PLCH1: variants seen among roughly 807,000 people sequenced by gnomAD.
PLCH1 encodes phospholipase C eta 1.
A neutral mutation model predicts 126.7 loss-of-function variants in PLCH1; 60 were observed. The ratio of observed to expected loss-of-function variants is 0.47; its 90% confidence interval spans 0.38 to 0.59. PLCH1 has a LOEUF of 0.59. Among genes scored for constraint, PLCH1 ranks in the 20% least tolerant of loss-of-function variants. The probability of loss-of-function intolerance (pLI) is 0.00; values close to 1 mark genes in which losing one functional copy is unlikely to be tolerated. For missense variants in PLCH1, 1,723 were observed against 2,040.0 expected, an observed-to-expected ratio of 0.84 and a Z score of 2.99; for synonymous variants, 719 against 734.9, an observed-to-expected ratio of 0.98 and a Z score of 0.35.
chr3:155,632,206 A>G (rs928611437), intron 2 of PLCH1, among the ~76,000 whole-genome samples: 2 of 152,196 alleles, frequency 1.3e-5, no homozygotes, highest in Non-Finnish European at 2.9e-5. Flanking sequence ...GAAATATTAC[A>G]ACTACCAAAA....
chr3:155,483,962 C>A (rs1405694313), intron 22 of PLCH1, among the ~76,000 whole-genome samples: 1 of 151,832 alleles, frequency 6.6e-6, no homozygotes, highest in Non-Finnish European at 1.5e-5. Context: ...TAAAAATATT[C>A]ATCATAAAAA....
intron 8 of PLCH1, among the ~76,000 whole-genome samples, chr3:155,556,246 A>G (rs996462548): frequency 3.3e-5 from 5 of 152,108 alleles, no homozygotes; most frequent in Admixed American, 1.3e-4. Flanking sequence ...CCAGCTACTC[A>G]GGAGGCTGAG....
At chr3:155,587,672 G>T (rs1490188273) in intron 4 of PLCH1, among the ~76,000 whole-genome samples, 1 of 152,234 alleles carries the variant, frequency 6.6e-6, no homozygotes, top group Non-Finnish European at 1.5e-5. Flanking sequence ...TAGAAGCTGA[G>T]TTTAGATACA....
At chr3:155,634,967 G>C (rs906387377) in intron 2 of PLCH1, among the ~76,000 whole-genome samples, 5 of 152,154 alleles carry the variant, frequency 3.3e-5, no homozygotes, top group Non-Finnish European at 7.4e-5. Flanking sequence ...TCTTGGAAAA[G>C]ATAGTTAACT....
chr3:155,567,752 C>T (rs773519610), intron 7 of PLCH1, among the ~76,000 whole-genome samples: 5 of 152,176 alleles, frequency 3.3e-5, no homozygotes, highest in Non-Finnish European at 7.3e-5. Context: ...CTCACTTCCT[C>T]AACTAAAAAA....
At chr3:155,615,775 G>T (rs1735727708) in intron 2 of PLCH1, among the ~76,000 whole-genome samples, 1 of 152,098 alleles carries the variant, frequency 6.6e-6, no homozygotes, top group Admixed American at 6.6e-5. Context: ...GGGAGGGTTG[G>T]GATGGGGGTG....
intron 10 of PLCH1, among the ~76,000 whole-genome samples, chr3:155,544,127 G>A (rs1272993867): frequency 6.6e-6 from 1 of 152,040 alleles, no homozygotes; most frequent in East Asian, 1.9e-4. Context: ...TCAGTGTGCT[G>A]TATTCAGGAA....
In PLCH1 at chr3:155,482,212, T is replaced by A; in HGVS notation, c.3814A>T (p.Thr1272Ser). 6.2e-7 allele frequency: 1 copy of A among 1,614,032 alleles called. No homozygotes were observed. Among genetic ancestry groups the A allele is most frequent in the Non-Finnish European group, 8.5e-7 (1 of 1,179,984 alleles). Residue 1272 changes from threonine (T) to serine (S), a missense_variant, in exon 23 of 23, where the codon ACT becomes TCT. Thr to Ser is a moderately conservative substitution (Grantham distance 58). Around this residue, in one of 2 missense-constraint regions of PLCH1, gnomAD observed 947 missense variants for 977.1 expected, o/e 0.97. Coordinates refer to ENST00000460012, the MANE Select transcript of PLCH1 (RefSeq NM_014996.4). ...ATNTVYETTC[T>S]PISKTKPDDD... is the part of the protein sequence containing the mutation. Reference sequence around the variant, plus strand: ...TCTGGTTTGGTTTTAGAGATGGGAGTGCAGGTAGTTTCATAAACTGTGTTC... The same window carrying A: ...TCTGGTTTGGTTTTAGAGATGGGAGAGCAGGTAGTTTCATAAACTGTGTTC...
chr3:155,453,804 TTATC>T (rs1248459785), intron 21 of PLCH1, among the ~76,000 whole-genome samples: 2 of 151,458 alleles, frequency 1.3e-5, no homozygotes, highest in Admixed American at 6.6e-5. Context: ...AAATATGTAT[TTATC>T]TATAGATAAA....
intron 7 of PLCH1, among the ~76,000 whole-genome samples, chr3:155,566,192 T>C (rs1477575745): frequency 1.3e-5 from 1 of 74,278 alleles, no homozygotes; most frequent in Non-Finnish European, 3.9e-5. Context: ...CACATATATA[T>C]ACACATACAT....
At chr3:155,508,998 T>C (rs1295129238) in intron 12 of PLCH1, among the ~76,000 whole-genome samples, 1 of 127,730 alleles carries the variant, frequency 7.8e-6, no homozygotes, top group African/African-American at 3.5e-5. Context: ...CTCTTTTTGG[T>C]TGGTAAACTA....
intron 10 of PLCH1, among the ~76,000 whole-genome samples, chr3:155,534,375 C>A (rs961881625): frequency 1.3e-5 from 2 of 152,184 alleles, no homozygotes; most frequent in Non-Finnish European, 2.9e-5. Context: ...GAGCCTGTAT[C>A]TCCTTTGTTT....
chr3:155,607,761 T>A (rs1334076828), intron 2 of PLCH1, among the ~76,000 whole-genome samples: 1 of 152,164 alleles, frequency 6.6e-6, no homozygotes, highest in South Asian at 2.1e-4. Context: ...AATAAAAATA[T>A]CTTCAAAATA....
intron 1 of PLCH1, among the ~76,000 whole-genome samples, chr3:155,722,577 A>C (rs963335317): frequency 6.6e-6 from 1 of 152,198 alleles, no homozygotes; most frequent in Non-Finnish European, 1.5e-5. Flanking sequence ...TATTGAGATA[A>C]TCATGTGATT....
At chr3:155,535,934 C>T (rs1195302838) in intron 10 of PLCH1, among the ~76,000 whole-genome samples, 1 of 152,188 alleles carries the variant, frequency 6.6e-6, no homozygotes, top group Non-Finnish European at 1.5e-5. Context: ...ACTTCACTCC[C>T]CTGCTACCTC....
chr3:155,532,373 AGGAGG>A (rs148723789), intron 10 of PLCH1, among the ~76,000 whole-genome samples: 3,079 of 152,322 alleles, frequency 0.02, 104 homozygotes, highest in African/African-American at 0.071. Flanking sequence ...CCAAAGTGTG[AGGAGG>A]GAAGATCCAC....
At position 155,583,526 on chromosome 3, in the gene PLCH1, C is replaced by T; in HGVS notation, c.717G>A (p.Lys239=). The T allele has an allele frequency of 2.5e-6, 4 of 1,608,130 alleles. No homozygotes were observed. The highest frequency in any genetic ancestry group is 3.4e-6 in the Non-Finnish European group (4 of 1,178,040). Residue 239 remains lysine, a synonymous_variant, in exon 6 of 23, where the codon AAG becomes AAA. Coordinates refer to ENST00000460012, the MANE Select transcript of PLCH1 (RefSeq NM_014996.4). ...GTTCTTCCACAGTTAGGTGATCTTT[C>T]TTGTCACTGTAGCTCAAAAGTAACA... ...LYLLLLSYSD[K]KDHLTVEELA...
At chr3:155,669,404 C>T in intron 2 of PLCH1, among the ~76,000 whole-genome samples, 1 of 152,074 alleles carries the variant, frequency 6.6e-6, no homozygotes, top group African/African-American at 2.4e-5. Context: ...CATACTGAGA[C>T]CCCATCTCTA....
Position 155,481,590 on chromosome 3 carries a change from G to C in PLCH1, c.4436C>G (p.Pro1479Arg). ...AHLPLPALKL[P>R]SPCKSKSLGD... ...CAGACTTTTGGATTTGCAAGGACTA[G>C]GCAGTTTCAGAGCAGGCAAAGGAAG... Residue 1479 changes from proline (P) to arginine (R), a missense_variant, in exon 23 of 23, where the codon CCT becomes CGT. Pro to Arg is a moderately radical substitution (Grantham distance 103). Coordinates refer to ENST00000460012, the MANE Select transcript of PLCH1 (RefSeq NM_014996.4). This position sits in a 1 kb window ranked among gnomAD's most constrained non-coding sequence, Gnocchi z 4.2. 2 of 1,614,146 alleles carry C rather than the reference G, an allele frequency of 1.2e-6. No homozygotes were observed. Among genetic ancestry groups the C allele is most frequent in the Non-Finnish European group, 1.7e-6 (2 of 1,180,040 alleles).
Sources: allele counts gnomAD v4.1 joint callset (sites outside exome capture counted in the v4.1 genomes callset), GRCh38; gene constraint gnomAD v4.1.1; regional missense constraint gnomAD v4.1.1; non-coding constraint Gnocchi (gnomAD v3.1); transcripts MANE v1.5; gene names NCBI Gene and HGNC (gene_info 2026-07-23, HGNC 2026-07-21).